The following RAB3IP variants were observed in gnomAD, a reference collection of about 807,000 sequenced individuals.
The protein encoded by RAB3IP is rab-3A-interacting protein.
A neutral mutation model predicts 59.1 loss-of-function variants in RAB3IP; 36 were observed. The ratio of observed to expected loss-of-function variants is 0.61; its 90% CI spans 0.47 to 0.80. The LOEUF is 0.80. RAB3IP is among the 30% of genes least tolerant of loss of function. The probability of loss-of-function intolerance (pLI) is 0.00; values close to 1 mark genes in which losing one functional copy is unlikely to be tolerated. For synonymous variants in RAB3IP, 207 were observed against 191.2 expected (o/e 1.08, Z -0.68); for missense variants, 511 against 536.0 (o/e 0.95, Z 0.46).
chr12:69,755,245 G>GT (rs1195106278), intron 1 of RAB3IP, 139 bp from the exon 2 acceptor site: 35 of 781,916 alleles, frequency 4.5e-5, no homozygotes, highest in East Asian at 1.6e-4. Flanking sequence ...TGTGATTGTG[G>GT]TTTTTTAAAA....
Position 69,785,003 on chromosome 12 carries a change from A to C in RAB3IP, c.606+188A>C, listed in dbSNP as rs73332074. On this transcript the variant is annotated intron_variant, in intron 4 of 10. Coordinates refer to ENST00000247833, the MANE Select transcript of RAB3IP (RefSeq NM_022456.5). ...AAGATGATGTGAAAAGAAATAAAAA[A>C]CATCTATGGGCCACCAGTATCAGAT... The C allele has an allele frequency of 6.9e-4, 249 of 358,342 alleles. 1 individual carries two copies. The highest frequency in any genetic ancestry group is 4.7e-3 in the African/African-American group (221 of 47,192). 22.2% of individuals were successfully genotyped at this position (358,342 alleles called of 1,614,324 possible).
chr12:69,775,367 A>G (rs1279429111), intron 3 of RAB3IP, among the ~76,000 whole-genome samples: 4 of 141,886 alleles, frequency 2.8e-5, no homozygotes, highest in African/African-American at 1.1e-4. Context: ...AACAGGGACA[A>G]TTTGACTTCC....
intron 3 of RAB3IP, among the ~76,000 whole-genome samples, chr12:69,768,633 C>G (rs61930171): frequency 6.6e-6 from 1 of 152,102 alleles, no homozygotes; most frequent in African/African-American, 2.4e-5. Context: ...CAGTGTCTCA[C>G]GCAGATCAGT....
intron 8 of RAB3IP, among the ~76,000 whole-genome samples, chr12:69,806,694 G>T (rs1592612448): frequency 6.6e-6 from 1 of 150,596 alleles, no homozygotes; most frequent in African/African-American, 2.4e-5. Flanking sequence ...GTGAACAAAG[G>T]TCTCTGGTTT....
chr12:69,740,136 C>A (rs1345456235), intron 1 of RAB3IP, among the ~76,000 whole-genome samples: 2 of 152,134 alleles, frequency 1.3e-5, no homozygotes, highest in African/African-American at 4.8e-5. Context: ...TGTTCATTAT[C>A]CTTTTTCTCA....
intron 1 of RAB3IP, among the ~76,000 whole-genome samples, chr12:69,745,926 T>G (rs1868322699): frequency 1.3e-5 from 2 of 152,224 alleles, no homozygotes; most frequent in South Asian, 4.1e-4. Context: ...TTTGTGTATT[T>G]GACAAAATTA....
chr12:69,739,423 C>G (rs11177817), intron 1 of RAB3IP: 17,544 of 161,328 alleles, frequency 0.11, 1,319 homozygotes, highest in Non-Finnish European at 0.16. Context: ...CGGGCGGGCG[C>G]GGCCGGGAGC....
intron 2 of RAB3IP, 141 bp downstream of exon 2, chr12:69,755,800 T>C (rs1373761624): frequency 5.8e-6 from 4 of 692,782 alleles, no homozygotes. Context: ...CCTGATAATG[T>C]TCTAGAACAG....
At chr12:69,750,782 C>T (rs1025529984) in intron 1 of RAB3IP, among the ~76,000 whole-genome samples, 4 of 141,126 alleles carry the variant, frequency 2.8e-5, no homozygotes, top group African/African-American at 8.0e-5. Context: ...ATGTTCATTT[C>T]TTATTTGCCA....
Position 69,755,088 on chromosome 12 carries a change from T to G in RAB3IP, c.-25-296T>G, listed in dbSNP as rs571567695. Among the ~76,000 whole-genome samples, 4 of 152,250 alleles carry G rather than the reference T, an allele frequency of 2.6e-5. No homozygotes were observed. The East Asian group carries it at 7.7e-4, about 29-fold the overall frequency. ...GATTGTGGTGTTTTGTTTTTGTTTT[T>G]GTTTTTTGAGTGGGAGAAGGTCTTG... On this transcript the variant is annotated intron_variant, in intron 1 of 10. Coordinates refer to ENST00000247833, the MANE Select transcript of RAB3IP (RefSeq NM_022456.5).
intron 3 of RAB3IP, among the ~76,000 whole-genome samples, chr12:69,770,531 G>A (rs771222417): frequency 2.0e-5 from 3 of 152,152 alleles, no homozygotes; most frequent in Admixed American, 6.5e-5. Flanking sequence ...GGAACCTGCT[G>A]ATGCAGAACC....
At chr12:69,810,918 G>A (rs74998358) in intron 8 of RAB3IP, among the ~76,000 whole-genome samples, 6,359 of 152,222 alleles carry the variant, frequency 0.042, 133 homozygotes, top group Non-Finnish European at 0.048. Flanking sequence ...GAAAAAAATG[G>A]AGTTGGAGGT....
rs1222323842 is a variant in RAB3IP at position 69,795,360 on chromosome 12, C to CTG, written c.888+18_888+19dup. 6.3e-7 allele frequency: 1 copy of CTG among 1,585,322 alleles called. No homozygotes were observed. The highest frequency in any genetic ancestry group is 2.2e-5 in the East Asian group (1 of 44,488). On this transcript the variant is annotated intron_variant, in intron 6 of 10. Coordinates refer to ENST00000247833, the MANE Select transcript of RAB3IP (RefSeq NM_022456.5). Reference sequence around the variant, plus strand: ...CTGCAAAGAGGTAACTCATCAAGGACTGTCCCCTCTGACTCTGTTGATACT... The same window carrying CTG: ...CTGCAAAGAGGTAACTCATCAAGGACTGTGTCCCCTCTGACTCTGTTGATACT...
intron 3 of RAB3IP, among the ~76,000 whole-genome samples, chr12:69,773,313 T>C (rs974592055): frequency 1.6e-4 from 25 of 151,962 alleles, no homozygotes; most frequent in East Asian, 1.9e-4. Context: ...TCTTTGACTT[T>C]CCTTTATCTG....
chr12:69,759,605 C>T (rs1420639811), intron 3 of RAB3IP, among the ~76,000 whole-genome samples: 8 of 150,170 alleles, frequency 5.3e-5, no homozygotes, highest in South Asian at 2.1e-4. Flanking sequence ...GGCGGCCGGG[C>T]GGAGGCGCCC....
chr12:69,781,277 C>G (rs1160312304), intron 3 of RAB3IP, among the ~76,000 whole-genome samples: 1 of 152,116 alleles, frequency 6.6e-6, no homozygotes. Context: ...TACAGAGTCC[C>G]CATGTACTTG....
chr12:69,740,585 A>G lies in RAB3IP; in HGVS notation c.-26+1554A>G, dbSNP rs369732630. Among the ~76,000 whole-genome samples, 133 of 152,316 alleles carry G rather than the reference A, an allele frequency of 8.7e-4. No individual in the cohort carries two copies. The Middle Eastern group carries it at 0.02, about 23-fold the overall frequency. ...AAACAACTCATCTGTGGTACTGAAT[A>G]CTTGTAATCTTTCACCAGGATGGCC... On this transcript the variant is annotated intron_variant, in intron 1 of 10. Coordinates refer to ENST00000247833, the MANE Select transcript of RAB3IP (RefSeq NM_022456.5).
In RAB3IP at chr12:69,784,800, A is replaced by G; in HGVS notation, c.591A>G (p.Thr197=). Residue 197 remains threonine (T), a synonymous_variant, in exon 4 of 11, where the codon ACA becomes ACG. Transcript: ENST00000247833. ...DQLGQELEEL[T]ASLFEEAHKM... is the part of the protein sequence containing the mutation. Reference sequence around the variant, plus strand: ...TTGGACAGGAATTGGAAGAACTCACAGCTAGTCTATTTGAGGTTGGTCTAT... The same window carrying G: ...TTGGACAGGAATTGGAAGAACTCACGGCTAGTCTATTTGAGGTTGGTCTAT... 1 of 1,604,932 alleles carries G rather than the reference A, an allele frequency of 6.2e-7. No homozygotes were observed. The highest frequency in any genetic ancestry group is 8.5e-7 in the Non-Finnish European group (1 of 1,173,834).
intron 3 of RAB3IP, among the ~76,000 whole-genome samples, chr12:69,769,747 T>C (rs1291068578): frequency 6.6e-6 from 1 of 151,916 alleles, no homozygotes; most frequent in Non-Finnish European, 1.5e-5. Flanking sequence ...CTTTAAGGAG[T>C]TTACTAGTTG....
Sources: allele counts gnomAD v4.1 joint callset (sites outside exome capture counted in the v4.1 genomes callset), GRCh38; gene constraint gnomAD v4.1.1; transcripts MANE v1.5; gene names NCBI Gene and HGNC (gene_info 2026-07-23, HGNC 2026-07-21).